PLPP1: variants seen among roughly 807,000 people sequenced by gnomAD.
PLPP1 encodes the protein lipid phosphate phosphohydrolase 1a.
PLPP1 carries 24 observed loss-of-function variants against 31.2 expected under a neutral mutation model. That is an observed-to-expected ratio of 0.77 (90% CI 0.56 to 1.08). PLPP1 has a LOEUF of 1.08. PLPP1 is among the 50% of genes least tolerant of loss of function. The probability of loss-of-function intolerance (pLI) is 0.00; values close to 1 mark genes in which losing one functional copy is unlikely to be tolerated. For missense variants in PLPP1, 319 were observed against 342.7 expected (o/e 0.93, Z 0.55); for synonymous variants, 146 against 126.3 (o/e 1.16, Z -1.05).
intron 1 of PLPP1, among the ~76,000 whole-genome samples, chr5:55,485,839 T>C (rs1752765853): frequency 1.3e-5 from 2 of 152,176 alleles, no homozygotes; most frequent in Admixed American, 6.5e-5. Flanking sequence ...ATTTCATCAC[T>C]AGAATAAATC....
At chr5:55,521,626 T>C (rs1753670155) in intron 1 of PLPP1, among the ~76,000 whole-genome samples, 1 of 152,246 alleles carries the variant, frequency 6.6e-6, no homozygotes, top group Non-Finnish European at 1.5e-5. Flanking sequence ...TCACTCATTC[T>C]TAGTAATCTC....
intron 1 of PLPP1, among the ~76,000 whole-genome samples, chr5:55,532,589 A>AT (rs1389189869): frequency 6.6e-6 from 1 of 152,188 alleles, no homozygotes; most frequent in African/African-American, 2.4e-5. Flanking sequence ...ATGAAAGGTA[A>AT]TTTTTTGTTG....
intron 1 of PLPP1, among the ~76,000 whole-genome samples, chr5:55,487,071 G>A (rs1752790119): frequency 6.6e-6 from 1 of 152,088 alleles, no homozygotes. Context: ...TTGCTAAAAG[G>A]TTATGCCATA....
rs188297927 is a variant in PLPP1, at chr5:55,440,359, T to G, written c.549+1492A>C. Among the ~76,000 whole-genome samples, 48 of 152,334 alleles carry G rather than the reference T, an allele frequency of 3.2e-4. No homozygotes were observed. The East Asian group carries it at 6.7e-3, about 21-fold the overall frequency. ...TCAGGATAGTAACGGCTCTAGCTAT[T>G]GCTCAGCCTTCCGGGTCTGCCCTGG... On this transcript the variant is annotated intron_variant, in intron 4 of 5. Transcript: ENST00000307259.
rs1002112355 is a variant in PLPP1, at chr5:55,520,590, T to C, written c.58+13982A>G. Among the ~76,000 whole-genome samples, 4 of 152,206 alleles carry C rather than the reference T, an allele frequency of 2.6e-5. 1 individual carries two copies. Among genetic ancestry groups the C allele is most frequent in the Admixed American group, 1.3e-4 (2 of 15,282 alleles). On this transcript the variant is annotated intron_variant, in intron 1 of 5. Coordinates refer to ENST00000307259, the MANE Select transcript of PLPP1 (RefSeq NM_003711.4). ...CTATTAGCATCATCTCTTTCCTCATTAGATGACGAACTCAAAGAGTTGAGG... is the reference window on the plus strand; with the variant it reads ...CTATTAGCATCATCTCTTTCCTCATCAGATGACGAACTCAAAGAGTTGAGG...
chr5:55,460,765 G>C (rs1752136914), intron 3 of PLPP1, among the ~76,000 whole-genome samples: 1 of 152,118 alleles, frequency 6.6e-6, no homozygotes, highest in South Asian at 2.1e-4. Flanking sequence ...AGGATCACTT[G>C]AGCTCAGGAG....
chr5:55,517,375 TG>T (rs566076376), intron 1 of PLPP1, among the ~76,000 whole-genome samples: 86 of 152,200 alleles, frequency 5.7e-4, no homozygotes, highest in South Asian at 3.5e-3. Context: ...TTTGTTTTTT[TG>T]GGTAGAAACA....
At chr5:55,443,587 C>T (rs749971494) in intron 3 of PLPP1, among the ~76,000 whole-genome samples, 1 of 152,126 alleles carries the variant, frequency 6.6e-6, no homozygotes, top group Non-Finnish European at 1.5e-5. Context: ...GAAATATTCT[C>T]AAAGCCAAGC....
chr5:55,442,468 A>G (rs1036000392), intron 3 of PLPP1, among the ~76,000 whole-genome samples: 1 of 152,118 alleles, frequency 6.6e-6, no homozygotes, highest in Non-Finnish European at 1.5e-5. Context: ...CCTGGCCAAC[A>G]TGGTGAAACC....
At chr5:55,478,388 T>C (rs1579952567) in intron 1 of PLPP1, among the ~76,000 whole-genome samples, 1 of 152,172 alleles carries the variant, frequency 6.6e-6, no homozygotes, top group East Asian at 1.9e-4. Context: ...CAGTACATAA[T>C]TATAGCAGAG....
chr5:55,486,785 C>A (rs1752784198), intron 1 of PLPP1, among the ~76,000 whole-genome samples: 1 of 151,932 alleles, frequency 6.6e-6, no homozygotes, highest in Admixed American at 6.6e-5. Context: ...TGATGGCACA[C>A]CCCTGTAATC....
chr5:55,425,591 GTT>G (rs1387422079), intron 5 of PLPP1: 1 of 438,306 alleles, frequency 2.3e-6, no homozygotes, highest in East Asian at 3.8e-5. Flanking sequence ...ATGTGAATTA[GTT>G]TTTTCAAGTC....
intron 3 of PLPP1, among the ~76,000 whole-genome samples, chr5:55,451,554 A>AC (rs1234932265): frequency 6.8e-6 from 1 of 147,448 alleles, no homozygotes; most frequent in Non-Finnish European, 1.5e-5. Context: ...ACTTAGAGAA[A>AC]CCTTTTTTTT....
chr5:55,518,675 TAATTGATCTCCCAC>T (rs1402492120), intron 1 of PLPP1, among the ~76,000 whole-genome samples: 1 of 152,196 alleles, frequency 6.6e-6, no homozygotes, highest in Non-Finnish European at 1.5e-5. Flanking sequence ...GCTAAGTTTA[TAATTGATCTCCCAC>T]AAGTCCACTG....
At chr5:55,520,127 C>T (rs1753632887) in intron 1 of PLPP1, among the ~76,000 whole-genome samples, 1 of 152,202 alleles carries the variant, frequency 6.6e-6, no homozygotes, top group Non-Finnish European at 1.5e-5. Context: ...ATTCATATTT[C>T]TAGTTTGCTG....
Position 55,457,681 on chromosome 5 carries a change from C to G in PLPP1, c.491+10188G>C, listed in dbSNP as rs370500796. 1.4e-3 allele frequency among the ~76,000 whole-genome samples: 216 copies of G among 152,148 alleles called. 2 individuals carry two copies. The Middle Eastern group carries it at 0.024, about 17-fold the overall frequency. On this transcript the variant is annotated intron_variant, in intron 3 of 5. Transcript: ENST00000307259. ...CAAGGTGGGCAGATCACAAGGTCAGCAGTTCGAGACCAGCCTGGCCAATAT... is the reference window on the plus strand; with the variant it reads ...CAAGGTGGGCAGATCACAAGGTCAGGAGTTCGAGACCAGCCTGGCCAATAT...
rs137881670 is a variant in PLPP1, at chr5:55,441,822, C to G, written c.549+29G>C. ...ACATTAATTCCATGCAGCACATAAC[C>G]TAACCGTCAACAGACACAAAGTACT... On this transcript the variant is annotated intron_variant, in intron 4 of 5. Transcript: ENST00000307259. 2.5e-6 allele frequency: 4 copies of G among 1,602,408 alleles called. No individual in the cohort carries two copies. The South Asian group carries it at 4.4e-5, about 18-fold the overall frequency.
intron 3 of PLPP1, among the ~76,000 whole-genome samples, chr5:55,467,325 G>A (rs1421544453): frequency 1.3e-5 from 2 of 152,044 alleles, no homozygotes. Flanking sequence ...GTCTATGGCT[G>A]CTTTCTTGCT....
chr5:55,527,027 T>C (rs1210883903), intron 1 of PLPP1, among the ~76,000 whole-genome samples: 2 of 151,734 alleles, frequency 1.3e-5, no homozygotes, highest in East Asian at 3.9e-4. Context: ...TTATCTTCAG[T>C]GTCTAACACA....
Sources: allele counts gnomAD v4.1 joint callset (sites outside exome capture counted in the v4.1 genomes callset), GRCh38; gene constraint gnomAD v4.1.1; transcripts MANE v1.5; gene names NCBI Gene and HGNC (gene_info 2026-07-23, HGNC 2026-07-21).